Variants in ME3 observed in about 807,000 individuals in gnomAD.
ME3 encodes malic enzyme 3.
Under a neutral mutation model 68.9 loss-of-function variants are expected in ME3, and 48 were observed. The ratio of observed to expected loss-of-function variants is 0.70; its 90% CI spans 0.55 to 0.89. The LOEUF (loss-of-function observed/expected upper bound fraction) is 0.89. Ranked by LOEUF, ME3 falls within the 40% of genes least tolerant of loss-of-function variation. The probability of loss-of-function intolerance (pLI) is 0.00; values close to 1 mark genes in which losing one functional copy is unlikely to be tolerated. For synonymous variants in ME3, 320 were observed against 318.8 expected (o/e 1.00, Z -0.04); for missense variants, 675 against 797.4 (o/e 0.85, Z 1.85).
At chr11:86,631,459 A>G (rs1443340131) in intron 2 of ME3, among the ~76,000 whole-genome samples, 3 of 152,312 alleles carry the variant, frequency 2.0e-5, no homozygotes, top group Non-Finnish European at 2.9e-5. Context: ...TGCCAAACTC[A>G]TAAGAAAACC....
rs556154891 is a variant in ME3, at chr11:86,666,307, G to T, written c.183+5455C>A. On this transcript the variant is annotated intron_variant, in intron 2 of 14. Transcript: ENST00000543262. ...CTTCTGCGTGGAATTCACAGCAGAGGTAAGACCTGTCATCCTGGACTTTGA... is the reference window on the plus strand; with the variant it reads ...CTTCTGCGTGGAATTCACAGCAGAGTTAAGACCTGTCATCCTGGACTTTGA... 1.9e-3 allele frequency among the ~76,000 whole-genome samples: 289 copies of T among 152,278 alleles called. 1 individual carries two copies. The highest frequency in any genetic ancestry group is 3.0e-3 in the Non-Finnish European group (203 of 68,030).
downstream of ME3, among the ~76,000 whole-genome samples, chr11:86,439,773 C>T (rs1361958863): frequency 2.6e-5 from 4 of 152,136 alleles, no homozygotes; most frequent in Admixed American, 1.3e-4. Context: ...GTTTTCTCTA[C>T]TATTGTTTTT....
intron 4 of ME3, among the ~76,000 whole-genome samples, chr11:86,515,603 C>T (rs1006586): frequency 0.16 from 23,646 of 152,204 alleles, 1,916 homozygotes; most frequent in African/African-American, 0.21. Context: ...CCTGTAGACA[C>T]TTGAATCTTA....
chr11:86,520,377 T>TG, intron 4 of ME3, among the ~76,000 whole-genome samples: 1 of 152,316 alleles, frequency 6.6e-6, no homozygotes, highest in East Asian at 1.9e-4. Context: ...GCTGAGTACA[T>TG]GGAAAACAAG....
At chr11:86,466,168 C>A (rs1310642956) in intron 7 of ME3, among the ~76,000 whole-genome samples, 1 of 152,112 alleles carries the variant, frequency 6.6e-6, no homozygotes, top group Admixed American at 6.5e-5. Flanking sequence ...TGCTACAGGC[C>A]CCCTCAGCTT....
At chr11:86,643,902 G>T (rs559676160) in intron 2 of ME3, among the ~76,000 whole-genome samples, 1 of 152,248 alleles carries the variant, frequency 6.6e-6, no homozygotes, top group African/African-American at 2.4e-5. Context: ...AGTCCTCTGG[G>T]CTCCAGCATC....
rs1382385747 is a variant in ME3, at chr11:86,452,133, C to T, written c.920-1735G>A. 2.0e-5 allele frequency among the ~76,000 whole-genome samples: 3 copies of T among 152,124 alleles called. No homozygotes were observed. The East Asian group carries it at 5.8e-4, about 29-fold the overall frequency. On this transcript the variant is annotated intron_variant, in intron 8 of 14. Transcript: ENST00000543262. ...TCCTCTTACCATTTCACCTAATAACCCACGTACAGAATTTTTGCTTCCTGT... is the reference window on the plus strand; with the variant it reads ...TCCTCTTACCATTTCACCTAATAACTCACGTACAGAATTTTTGCTTCCTGT...
At chr11:86,516,694 T>C (rs1953928063) in intron 4 of ME3, among the ~76,000 whole-genome samples, 1 of 152,186 alleles carries the variant, frequency 6.6e-6, no homozygotes, top group Non-Finnish European at 1.5e-5. Flanking sequence ...CCTGGCCTAA[T>C]ATCTATATCT....
intron 8 of ME3, among the ~76,000 whole-genome samples, chr11:86,464,790 A>G (rs988293082): frequency 6.6e-6 from 1 of 152,210 alleles, no homozygotes; most frequent in African/African-American, 2.4e-5. Flanking sequence ...TGACTGGTTC[A>G]TGTTTAACTT....
At chr11:86,474,431 G>T (rs1396662262) in intron 7 of ME3, among the ~76,000 whole-genome samples, 1 of 152,122 alleles carries the variant, frequency 6.6e-6, no homozygotes, top group Non-Finnish European at 1.5e-5. Context: ...TCTCATTGCT[G>T]GGGAGGGGAT....
intron 4 of ME3, among the ~76,000 whole-genome samples, chr11:86,524,383 C>T (rs551386845): frequency 1.3e-5 from 2 of 152,102 alleles, no homozygotes; most frequent in South Asian, 2.1e-4. Context: ...CTTGTTTTTC[C>T]AAAGCAGGTT....
rs1296314393 is a variant in ME3 at position 86,655,750 on chromosome 11, A to T, written c.183+16012T>A. Among the ~76,000 whole-genome samples the T allele has an allele frequency of 3.3e-5, 5 of 151,490 alleles. No homozygotes were observed. In the South Asian group the frequency reaches 1.0e-3, roughly 32 times the overall value. ...AACAAAAGACAAAATTGACAAATGG[A>T]ATCTAATTAAACTAAAGAGCTTCTG... On this transcript the variant is annotated intron_variant, in intron 2 of 14. Coordinates refer to ENST00000543262, the Ensembl canonical transcript of ME3.
intron 7 of ME3, among the ~76,000 whole-genome samples, chr11:86,475,978 T>C (rs543190565): frequency 2.0e-5 from 3 of 151,708 alleles, no homozygotes; most frequent in East Asian, 1.9e-4. Context: ...CTGTGAAACA[T>C]TGCAATCGGG....
exon 6 of ME3, chr11:86,497,985 A>C: frequency 6.2e-7 from 1 of 1,605,796 alleles, no homozygotes; most frequent in Non-Finnish European, 8.5e-7. Context: ...GCCGACGTCC[A>C]GCAGCACAGG....
intron 2 of ME3, among the ~76,000 whole-genome samples, chr11:86,619,146 G>C (rs997247949): frequency 1.3e-5 from 2 of 152,206 alleles, no homozygotes; most frequent in African/African-American, 2.4e-5. Context: ...CCCAGAAGCA[G>C]ATGTCAGCAC....
intron 2 of ME3, among the ~76,000 whole-genome samples, chr11:86,603,947 G>A (rs1444442355): frequency 9.1e-6 from 1 of 110,198 alleles, no homozygotes; most frequent in Non-Finnish European, 1.8e-5. Context: ...GACTGTTGTG[G>A]GGTGGGGGGA....
intron 2 of ME3, among the ~76,000 whole-genome samples, chr11:86,655,169 T>C (rs1945771698): frequency 6.6e-6 from 1 of 152,256 alleles, no homozygotes; most frequent in African/African-American, 2.4e-5. Flanking sequence ...ATGGCCACAC[T>C]GTCCAAGGTA....
At position 86,527,988 on chromosome 11, in the gene ME3, C is replaced by G. The variant is rs1002514735; in HGVS notation, c.468-19121G>C. 7.2e-4 allele frequency among the ~76,000 whole-genome samples: 109 copies of G among 152,254 alleles called. 1 individual carries two copies. The highest frequency in any genetic ancestry group is 1.5e-5 in the Non-Finnish European group (1 of 68,008). On this transcript the variant is annotated intron_variant, in intron 4 of 14. Coordinates refer to ENST00000543262, the Ensembl canonical transcript of ME3. ...CCAGCTAACATCATAATGACAAGAT[C>G]AAATTCACACATAACAATATCAACC...
intron 2 of ME3, among the ~76,000 whole-genome samples, chr11:86,603,749 G>C (rs1294964507): frequency 3.3e-5 from 5 of 151,830 alleles, no homozygotes; most frequent in Non-Finnish European, 7.4e-5. Flanking sequence ...TATACACCAT[G>C]GAATACTATG....
Sources: gnomAD v4.1 joint callset for allele counts (sites outside exome capture counted in the v4.1 genomes callset) on GRCh38, gnomAD v4.1.1 for gene constraint, MANE v1.5 for transcripts, NCBI Gene and HGNC (gene_info 2026-07-23, HGNC 2026-07-21) for gene names.